The following KCNQ2 variants were observed in gnomAD, a reference collection of about 807,000 sequenced individuals.
KCNQ2 encodes the protein potassium voltage-gated channel subfamily Q member 2.
KCNQ2 carries 14 observed loss-of-function variants against 84.8 expected under a neutral mutation model. The observed-to-expected ratio is 0.17, with a 90% confidence interval of 0.11 to 0.26. The LOEUF is 0.26. KCNQ2 is among the 10% of genes least tolerant of loss of function. The probability of loss-of-function intolerance (pLI) is 1.00; values close to 1 mark genes in which losing one functional copy is unlikely to be tolerated. For synonymous variants in KCNQ2, 599 were observed against 554.1 expected (o/e 1.08, Z -1.14); for missense variants, 788 against 1,254.0 (o/e 0.63, Z 5.61).
At chr20:63,413,158 GTGCA>G in intron 15 of KCNQ2, 2 of 466,530 alleles carry the variant, frequency 4.3e-6, no homozygotes, top group Admixed American at 6.9e-5. Context: ...GCATACATGT[GTGCA>G]TGCGTGACTT....
chr20:63,462,435 C>T (rs1049138647), intron 1 of KCNQ2, among the ~76,000 whole-genome samples: 5 of 152,090 alleles, frequency 3.3e-5, no homozygotes, highest in Admixed American at 2.0e-4. Flanking sequence ...GAGGTGGCAC[C>T]TACCCCAAGG....
intron 15 of KCNQ2, among the ~76,000 whole-genome samples, chr20:63,410,645 G>A (rs1027003117): frequency 7.2e-5 from 11 of 152,334 alleles, no homozygotes; most frequent in African/African-American, 2.6e-4. Context: ...ACACGGCCCT[G>A]CCTGCTCCCA....
At position 63,444,853 on chromosome 20, in the gene KCNQ2, G is replaced by A. The variant is rs933556798; in HGVS notation, c.515-19C>T. On this transcript the variant is annotated intron_variant, in intron 3 of 16. Transcript: ENST00000359125. ...ATGATGTCTACAAAGCGGGCGTGGA[G>A]CTGGTGAGCTGCTGGGCCGCTCCCC... 6.4e-7 allele frequency: 1 copy of A among 1,572,594 alleles called. No homozygotes were observed. The highest frequency in any genetic ancestry group is 1.3e-5 in the African/African-American group (1 of 74,340).
chr20:63,415,808 G>A (rs1020887466), intron 12 of KCNQ2, among the ~76,000 whole-genome samples: 2 of 152,000 alleles, frequency 1.3e-5, no homozygotes, highest in African/African-American at 4.8e-5. Context: ...CCCCGCCCGT[G>A]GTTTCCCCTG....
chr20:63,449,711 G>A (rs564074221), intron 1 of KCNQ2, among the ~76,000 whole-genome samples: 8 of 152,312 alleles, frequency 5.3e-5, no homozygotes, highest in Non-Finnish European at 7.4e-5. Flanking sequence ...AAGCCCCAGC[G>A]TCTGAGCTCC....
rs555937176 is a variant in KCNQ2 at position 63,439,821 on chromosome 20, C to T, written c.817-113G>A. The stretch of plus-strand genomic sequence containing the variant: ...GATGGGACAGATGCGGGGCCACCCC[C>T]GTGTCACCATCCACACGGAGGCCCA... On this transcript the variant is annotated intron_variant, in intron 5 of 16. Coordinates refer to ENST00000359125, the MANE Select transcript of KCNQ2 (RefSeq NM_172107.4). 1.6e-4 allele frequency: 131 copies of T among 795,258 alleles called. No individual in the cohort carries two copies. In the African/African-American group the frequency reaches 1.9e-3, roughly 11 times the overall value. 49.3% of individuals were successfully genotyped at this position (795,258 alleles called of 1,614,324 possible). A position where few individuals can be genotyped will look rare whatever the true frequency, so the allele number is the denominator to read the frequency against.
chr20:63,426,676 C>T (rs1048190436), intron 10 of KCNQ2, among the ~76,000 whole-genome samples: 2 of 152,148 alleles, frequency 1.3e-5, no homozygotes, highest in African/African-American at 4.8e-5. Context: ...AATTCTGCCT[C>T]TGCCCAACAG....
intron 8 of KCNQ2, among the ~76,000 whole-genome samples, chr20:63,432,711 CCCACCCTCAGGGAAGGCT>C (rs1568914224): frequency 1.5e-4 from 13 of 84,022 alleles, no homozygotes; most frequent in East Asian, 2.4e-4. Context: ...CTGGGAAGGC[CCCACCCTCAGGGAAGGCT>C]CCACCCTCAG....
intron 5 of KCNQ2, 152 bp from the exon 6 acceptor site, chr20:63,439,860 C>A: frequency 1.5e-6 from 1 of 689,528 alleles, no homozygotes; most frequent in South Asian, 1.5e-5. Context: ...AGGCCAGGGT[C>A]GGTGTCGGCC....
chr20:63,455,143 C>G (rs546609823), intron 1 of KCNQ2, among the ~76,000 whole-genome samples: 1 of 152,206 alleles, frequency 6.6e-6, no homozygotes, highest in African/African-American at 2.4e-5. Context: ...GATGGGAGGA[C>G]GGTGGGAGGA....
intron 4 of KCNQ2, among the ~76,000 whole-genome samples, chr20:63,444,454 A>G (rs1185335939): frequency 6.6e-6 from 1 of 152,134 alleles, no homozygotes; most frequent in Non-Finnish European, 1.5e-5. Context: ...GATGACAAAG[A>G]TGGCCCAAGT....
At chr20:63,442,899 TCACCAC>T (rs760611957) in intron 4 of KCNQ2, among the ~76,000 whole-genome samples, 5 of 21,554 alleles carry the variant, frequency 2.3e-4, no homozygotes, top group African/African-American at 9.7e-4. Context: ...ATCACCACCA[TCACCAC>T]CACCATCACC....
At chr20:63,445,151 C>T (rs1013853333) in intron 3 of KCNQ2, 87 bp downstream of exon 3, 20 of 1,580,712 alleles carry the variant, frequency 1.3e-5, no homozygotes, top group Admixed American at 5.0e-5. Context: ...CTCTGGCCCA[C>T]GCAGACGCCC....
In KCNQ2 at chr20:63,408,281, G is replaced by A. The variant is rs900313034; in HGVS notation, c.1887+132C>T. The A allele has an allele frequency of 1.0e-5, 12 of 1,155,874 alleles. No individual in the cohort carries two copies. The highest frequency in any genetic ancestry group is 1.4e-5 in the Non-Finnish European group (11 of 811,610). The allele number at this position is 1,155,874 out of a possible 1,614,324, so 71.6% of individuals were successfully genotyped here. A position where few individuals can be genotyped will look rare whatever the true frequency, so the allele number is the denominator to read the frequency against. On this transcript the variant is annotated intron_variant, in intron 16 of 16. Coordinates refer to ENST00000359125, the MANE Select transcript of KCNQ2 (RefSeq NM_172107.4). The surrounding 1 kb of genome is among the most constrained non-coding windows in gnomAD (Gnocchi z 5.0). ...TCTGCACAGAGCAGCTGTCAGTGGT[G>A]ACAGGGCCATGTAAACCCTAGACTT...
intron 7 of KCNQ2, among the ~76,000 whole-genome samples, chr20:63,435,876 C>A (rs2080980090): frequency 1.2e-5 from 1 of 86,810 alleles, no homozygotes; most frequent in Admixed American, 1.3e-4. Context: ...GGGTGGCTCG[C>A]CACACTGGCT....
rs368911314 is a variant in KCNQ2 at position 63,424,357 on chromosome 20, C to T, written c.1218-151G>A. The T allele has an allele frequency of 7.8e-6, 7 of 900,002 alleles. No individual in the cohort carries two copies. In the South Asian group the frequency reaches 9.2e-5, roughly 12 times the overall value. 55.8% of individuals were successfully genotyped at this position (900,002 alleles called of 1,614,324 possible). ...CTGGGCAGGGGTGGAGCTGGCCCAC[C>T]CACCCCAGAGAGCCCACGGCCCCAG... On this transcript the variant is annotated intron_variant, in intron 10 of 16. Transcript: ENST00000359125.
chr20:63,420,636 A>G (rs1006701207), intron 11 of KCNQ2, among the ~76,000 whole-genome samples: 2 of 152,020 alleles, frequency 1.3e-5, no homozygotes, highest in African/African-American at 2.4e-5. Flanking sequence ...CCCTGCACGC[A>G]CCCGCAGGCA....
Position 63,424,352 on chromosome 20 carries a change from C to T in KCNQ2, c.1218-146G>A, listed in dbSNP as rs1055275595. The T allele has an allele frequency of 7.7e-6, 7 of 906,728 alleles. No individual in the cohort carries two copies. In the Admixed American group the frequency reaches 1.1e-4, roughly 14 times the overall value. The allele number at this position is 906,728 out of a possible 1,614,324, so 56.2% of individuals were successfully genotyped here. On this transcript the variant is annotated intron_variant, in intron 10 of 16. Coordinates refer to ENST00000359125, the MANE Select transcript of KCNQ2 (RefSeq NM_172107.4). ...AAAGGCTGGGCAGGGGTGGAGCTGG[C>T]CCACCCACCCCAGAGAGCCCACGGC...
chr20:63,461,478 C>A (rs1343843525), intron 1 of KCNQ2, among the ~76,000 whole-genome samples: 1 of 152,206 alleles, frequency 6.6e-6, no homozygotes, highest in African/African-American at 2.4e-5. Flanking sequence ...ACTCTATGGC[C>A]TGGGCGGATG....
Sources: allele counts gnomAD v4.1 joint callset (sites outside exome capture counted in the v4.1 genomes callset), GRCh38; gene constraint gnomAD v4.1.1; non-coding constraint Gnocchi (gnomAD v3.1); transcripts MANE v1.5; gene names NCBI Gene and HGNC (gene_info 2026-07-23, HGNC 2026-07-21).